FOXN4: variants seen among roughly 807,000 people sequenced by gnomAD.
The protein encoded by FOXN4 is forkhead box N4.
In FOXN4, 12 loss-of-function variants were observed where a neutral mutation model predicts 45.0. That is an observed-to-expected ratio of 0.27 (90% CI 0.17 to 0.43). The LOEUF (loss-of-function observed/expected upper bound fraction) is 0.43, where lower values mean the gene tolerates loss of function less well. Among genes scored for constraint, FOXN4 ranks in the 20% least tolerant of loss-of-function variants. The pLI is 1.00. For synonymous variants in FOXN4, 297 were observed against 295.0 expected (o/e 1.01, Z -0.07); for missense variants, 560 against 694.9 (o/e 0.81, Z 2.18).
chr12:109,280,108 C>T (rs1283186030), intron 9 of FOXN4, among the ~76,000 whole-genome samples, 178 bp from the exon 10 acceptor site: 1 of 152,074 alleles, frequency 6.6e-6, no homozygotes, highest in African/African-American at 2.4e-5. Flanking sequence ...TTTGGGAGGC[C>T]GAGGTGGGTG....
In FOXN4 at chr12:109,279,003, T is replaced by C. The variant is rs2047628364; in HGVS notation, c.*668A>G. 6.6e-6 allele frequency: 1 copy of C among 152,560 alleles called. No individual in the cohort carries two copies. The highest frequency in any genetic ancestry group is 2.4e-5 in the African/African-American group (1 of 41,416). The allele number at this position is 152,560 out of a possible 1,614,324, so 9.5% of individuals were successfully genotyped here. On this transcript the variant is annotated 3_prime_UTR_variant, in exon 10 of 10. Coordinates refer to ENST00000299162, the MANE Select transcript of FOXN4 (RefSeq NM_213596.3). ...TGGGGTGGATGGGCCACAATAAATA[T>C]AAATAAATTTACACAAGGTCACGGT...
chr12:109,289,553 A>ATACTT (rs1478161615), intron 3 of FOXN4, among the ~76,000 whole-genome samples: 3 of 152,194 alleles, frequency 2.0e-5, no homozygotes, highest in African/African-American at 7.2e-5. Flanking sequence ...CTTTTCTTCA[A>ATACTT]TACTTTCTGT....
intron 2 of FOXN4, among the ~76,000 whole-genome samples, chr12:109,292,010 C>T (rs1460936071): frequency 7.2e-5 from 11 of 152,192 alleles, no homozygotes; most frequent in Non-Finnish European, 1.6e-4. Context: ...GCCACGGCCC[C>T]GGGCCTGGGC....
chr12:109,287,767 A>T lies in FOXN4; in HGVS notation c.468+77T>A, dbSNP rs2047728091. 9 of 1,335,444 alleles carry T rather than the reference A, an allele frequency of 6.7e-6. No individual in the cohort carries two copies. The highest frequency in any genetic ancestry group is 9.0e-6 in the Non-Finnish European group (9 of 994,560). 82.7% of individuals were successfully genotyped at this position (1,335,444 alleles called of 1,614,324 possible). ...CCCCATGTGCTGGGTGAGTAAACTG[A>T]GGCTCAGAGGGGTCCCCGGCCAGCC... On this transcript the variant is annotated intron_variant, in intron 5 of 9. Coordinates refer to ENST00000299162, the MANE Select transcript of FOXN4 (RefSeq NM_213596.3). The surrounding 1 kb of genome is among the most constrained non-coding windows in gnomAD (Gnocchi z 4.1).
chr12:109,298,654 C>A (rs1475522676), intron 2 of FOXN4, among the ~76,000 whole-genome samples: 1 of 152,166 alleles, frequency 6.6e-6, no homozygotes, highest in African/African-American at 2.4e-5. Context: ...TGAGCCACCA[C>A]GCCCAGCCCT....
chr12:109,308,321 TCTC>T lies in FOXN4; in HGVS notation c.-3_-1del. On this transcript the variant is annotated splice_region_variant and 5_prime_UTR_variant, in exon 2 of 10. Transcript: ENST00000299162. ...ATGGATGAGGTGTCACTTTCTATCA[TCTC>T]CTTGGGAAAAGACAAGCAGAAAACA... The T allele has an allele frequency of 1.3e-6, 2 of 1,550,654 alleles. No homozygotes were observed. The highest frequency in any genetic ancestry group is 1.4e-5 in the African/African-American group (1 of 73,028).
At position 109,281,720 on chromosome 12, in the gene FOXN4, C is replaced by T; in HGVS notation, c.981G>A (p.Val327=). Reference sequence around the variant, plus strand: ...CGGCCACTGTGGTGGCGTGAGTCAGCACGGGGGCCTCTGGTTCCCCCGGTT... The same window carrying T: ...CGGCCACTGTGGTGGCGTGAGTCAGTACGGGGGCCTCTGGTTCCCCCGGTT... The part of the protein sequence containing the change: ...PGKPGEPEAP[V]LTHATTVAVA... Residue 327 remains valine, a synonymous_variant, in exon 9 of 10, where the codon GTG becomes GTA. Transcript: ENST00000299162. 2 of 1,610,198 alleles carry T rather than the reference C, an allele frequency of 1.2e-6. No homozygotes were observed. Among genetic ancestry groups the T allele is most frequent in the Non-Finnish European group, 1.7e-6 (2 of 1,178,610 alleles).
chr12:109,293,819 G>A (rs1216392762), intron 2 of FOXN4, among the ~76,000 whole-genome samples: 1 of 152,268 alleles, frequency 6.6e-6, no homozygotes, highest in East Asian at 1.9e-4. Flanking sequence ...GGCCACCAGC[G>A]CTGAGAGTTG....
intron 2 of FOXN4, among the ~76,000 whole-genome samples, chr12:109,292,668 A>G: frequency 6.6e-6 from 1 of 152,190 alleles, no homozygotes; most frequent in East Asian, 1.9e-4. Flanking sequence ...AATATCCACC[A>G]GGTCGCCAGG....
Position 109,280,296 on chromosome 12 carries a change from T to C in FOXN4, c.1295-366A>G, listed in dbSNP as rs112302759. Among the ~76,000 whole-genome samples the C allele has an allele frequency of 4.7e-3, 669 of 142,956 alleles. 4 individuals carry two copies. Among genetic ancestry groups the C allele is most frequent in the African/African-American group, 0.017 (647 of 37,446 alleles). The allele number at this position is 142,956 out of a possible 152,430, so 93.8% of individuals were successfully genotyped here. ...AGTTGGAGGCTGCAGTGAGCAGAGA[T>C]TGTGCCACTGCGCTACAGCCTGGGT... On this transcript the variant is annotated intron_variant, in intron 9 of 9. Coordinates refer to ENST00000299162, the MANE Select transcript of FOXN4 (RefSeq NM_213596.3).
At chr12:109,283,422 T>A (rs976617695) in intron 8 of FOXN4, among the ~76,000 whole-genome samples, 2 of 152,062 alleles carry the variant, frequency 1.3e-5, no homozygotes, top group African/African-American at 4.8e-5. Flanking sequence ...TAAAATATGA[T>A]CTTGCTGTGG....
At chr12:109,280,066 G>A (rs2047638239) in intron 9 of FOXN4, 136 bp from the exon 10 acceptor site, 1 of 1,250,492 alleles carries the variant, frequency 8.0e-7, no homozygotes, top group African/African-American at 1.5e-5. Flanking sequence ...CATGGGGCCG[G>A]GCCTGGTGGC....
rs1043888035 is a variant in FOXN4, at chr12:109,287,635, G to A, written c.469-111C>T. 10 of 1,373,438 alleles carry A rather than the reference G, an allele frequency of 7.3e-6. No individual in the cohort carries two copies. In the African/African-American group the frequency reaches 1.2e-4, roughly 16 times the overall value. The allele number at this position is 1,373,438 out of a possible 1,614,324, so 85.1% of individuals were successfully genotyped here. ...CCACCCCAGTTTCAAAACACCTTGT[G>A]TGGGGATTCACAACCGTCCAGGAAA... On this transcript the variant is annotated intron_variant, in intron 5 of 9. Coordinates refer to ENST00000299162, the MANE Select transcript of FOXN4 (RefSeq NM_213596.3). The surrounding 1 kb of genome is among the most constrained non-coding windows in gnomAD (Gnocchi z 4.1).
Position 109,290,094 on chromosome 12 carries a change from C to A in FOXN4, c.232+47G>T. 6.7e-7 allele frequency: 1 copy of A among 1,495,984 alleles called. No homozygotes were observed. The highest frequency in any genetic ancestry group is 2.5e-5 in the East Asian group (1 of 39,928). The allele number at this position is 1,495,984 out of a possible 1,614,324, so 92.7% of individuals were successfully genotyped here. A position where few individuals can be genotyped will look rare whatever the true frequency, so the allele number is the denominator to read the frequency against. On this transcript the variant is annotated intron_variant, in intron 3 of 9. Coordinates refer to ENST00000299162, the MANE Select transcript of FOXN4 (RefSeq NM_213596.3). The surrounding 1 kb of genome is among the most constrained non-coding windows in gnomAD (Gnocchi z 5.1). ...TGGGTGGCAGGGCTGGGAATCACCCCTCTCCTATATCACCCTCCTCCCTGC... is the reference window on the plus strand; with the variant it reads ...TGGGTGGCAGGGCTGGGAATCACCCATCTCCTATATCACCCTCCTCCCTGC...
chr12:109,298,344 GTTTT>G (rs71079539), intron 2 of FOXN4, among the ~76,000 whole-genome samples: 1 of 131,846 alleles, frequency 7.6e-6, no homozygotes, highest in African/African-American at 2.8e-5. Context: ...TTTTTTTTTT[GTTTT>G]TTTTTTTTGC....
rs1030853041 is a variant in FOXN4, at chr12:109,287,484, C to T, written c.509G>A (p.Arg170Gln). The change falls in exon 6 of 10, where the codon CGG becomes CAG. Residue 170 changes from arginine (R) to glutamine (Q), a missense_variant. Physicochemically the swap from Arg to Gln is conservative, Grantham distance 43. Transcript: ENST00000299162. This position sits in a 1 kb window ranked among gnomAD's most constrained non-coding sequence, Gnocchi z 4.1. ...VGLYGPPFGV[R>Q]PPYPQPHVAV... is the part of the protein sequence containing the mutation. Reference sequence around the variant, plus strand: ...CACGTGGGGCTGGGGGTAGGGGGGCCGCACCCCAAATGGGGGGCCATAGAG... The same window carrying T: ...CACGTGGGGCTGGGGGTAGGGGGGCTGCACCCCAAATGGGGGGCCATAGAG... 26 of 1,548,888 alleles carry T rather than the reference C, an allele frequency of 1.7e-5. No homozygotes were observed. The highest frequency in any genetic ancestry group is 8.2e-5 in the African/African-American group (6 of 72,970).
Position 109,290,810 on chromosome 12 carries a change from C to G in FOXN4, c.87-524G>C, listed in dbSNP as rs922618824. Among the ~76,000 whole-genome samples the G allele has an allele frequency of 2.0e-5, 3 of 152,180 alleles. No individual in the cohort carries two copies. The highest frequency in any genetic ancestry group is 2.0e-4 in the Admixed American group (3 of 15,276). On this transcript the variant is annotated intron_variant, in intron 2 of 9. Coordinates refer to ENST00000299162, the MANE Select transcript of FOXN4 (RefSeq NM_213596.3). This position sits in a 1 kb window ranked among gnomAD's most constrained non-coding sequence, Gnocchi z 5.1. ...TACTGTAGCTGTGAGGAACATGGAA[C>G]TTGGGAACGGTCTGCGTGGATGATC... is the stretch of plus-strand genomic sequence containing the variant.
At chr12:109,305,661 C>T (rs548227827) in intron 2 of FOXN4, among the ~76,000 whole-genome samples, 1 of 152,190 alleles carries the variant, frequency 6.6e-6, no homozygotes, top group East Asian at 1.9e-4. Flanking sequence ...GCCCGGGAGG[C>T]GGAGGTTGCA....
In FOXN4 at chr12:109,290,674, T is replaced by C. The variant is rs2047759045; in HGVS notation, c.87-388A>G. ...GGGGAAACCGAGGCACAGTTGGAGC[T>C]CACCTACTATGGGACACTACAGCAC... On this transcript the variant is annotated intron_variant, in intron 2 of 9. Transcript: ENST00000299162. This position sits in a 1 kb window ranked among gnomAD's most constrained non-coding sequence, Gnocchi z 5.1. Among the ~76,000 whole-genome samples the C allele has an allele frequency of 6.6e-6, 1 of 152,100 alleles. No individual in the cohort carries two copies. Among genetic ancestry groups the C allele is most frequent in the Non-Finnish European group, 1.5e-5 (1 of 68,018 alleles).
Sources: gnomAD v4.1 joint callset for allele counts (sites outside exome capture counted in the v4.1 genomes callset) on GRCh38, gnomAD v4.1.1 for gene constraint, Gnocchi (gnomAD v3.1) non-coding constraint, MANE v1.5 for transcripts, NCBI Gene and HGNC (gene_info 2026-07-23, HGNC 2026-07-21) for gene names.